EPS8L3: variants seen among roughly 807,000 people sequenced by gnomAD.
EPS8L3 encodes the protein EPS8 signaling adaptor L3.
In EPS8L3, 80 loss-of-function variants were observed where a neutral mutation model predicts 88.5. The ratio of observed to expected loss-of-function variants is 0.90; its 90% CI spans 0.75 to 1.09. The LOEUF (loss-of-function observed/expected upper bound fraction) is 1.09. Ranked by LOEUF, EPS8L3 falls within the 50% of genes least tolerant of loss-of-function variation. EPS8L3 has a pLI of 0.00. For synonymous variants in EPS8L3, 286 were observed against 291.0 expected (o/e 0.98, Z 0.18); for missense variants, 721 against 735.2 (o/e 0.98, Z 0.22).
chr1:109,757,918 C>T, intron 9 of EPS8L3, 26 bp downstream of exon 9: 3 of 1,613,440 alleles, frequency 1.9e-6, no homozygotes, highest in Non-Finnish European at 1.7e-6. Flanking sequence ...CACCCCTACT[C>T]CTCTTCCCTG....
intron 1 of EPS8L3, among the ~76,000 whole-genome samples, chr1:109,762,437 C>T (rs1010267056): frequency 1.3e-5 from 2 of 152,136 alleles, no homozygotes; most frequent in African/African-American, 2.4e-5. Context: ...GCTCAAAGAT[C>T]ACCCTCTTGG....
intron 3 of EPS8L3, 24 bp downstream of exon 3, chr1:109,761,471 C>T (rs755815658): frequency 6.3e-7 from 1 of 1,598,994 alleles, no homozygotes; most frequent in South Asian, 1.1e-5. Context: ...TTGGACACTG[C>T]CCGGGGGCTG....
chr1:109,758,386 C>G lies in EPS8L3; in HGVS notation c.647G>C (p.Arg216Pro). 1.2e-6 allele frequency: 2 copies of G among 1,612,774 alleles called. No homozygotes were observed. The highest frequency in any genetic ancestry group is 1.7e-6 in the Non-Finnish European group (2 of 1,179,424). The change falls in exon 8 of 19, where the codon CGA becomes CCA. Residue 216 changes from arginine to proline, a missense_variant. By Grantham distance (103) the Arg-to-Pro change is moderately radical (BLOSUM62 -2). Transcript: ENST00000361965. ...AGGCAGAGTAAAGGCACTTGGTTCT[C>G]GGGCACTGGTGTGGCGTGGCAGGGG... ...PRPLPRHTSA[R>P]EPSAFTLPPP...
Position 109,758,173 on chromosome 1 carries a change from A to G in EPS8L3, c.718-115T>C, listed in dbSNP as rs531361716. 54 of 1,267,776 alleles carry G rather than the reference A, an allele frequency of 4.3e-5. No homozygotes were observed. In the East Asian group the frequency reaches 1.2e-3, roughly 28 times the overall value. The allele number at this position is 1,267,776 out of a possible 1,614,324, so 78.5% of individuals were successfully genotyped here. ...AGCCCCAGCCTCAGGCCCAGCCTGG[A>G]GTATAAACAAGCCTCTCTGGCCTCC... is the stretch of plus-strand genomic sequence containing the variant. On this transcript the variant is annotated intron_variant, in intron 8 of 18. Coordinates refer to ENST00000361965, the MANE Select transcript of EPS8L3 (RefSeq NM_133181.4).
chr1:109,750,589 A>G, intron 18 of EPS8L3, 71 bp downstream of exon 18: 1 of 1,606,406 alleles, frequency 6.2e-7, no homozygotes. Flanking sequence ...AGGCTTTTCC[A>G]ACTGGCCCTC....
At position 109,759,574 on chromosome 1, in the gene EPS8L3, GGA is replaced by G. The variant is rs1417500177; in HGVS notation, c.255+102_255+103del. The G allele has an allele frequency of 6.7e-7, 1 of 1,497,374 alleles. No individual in the cohort carries two copies. Among genetic ancestry groups the G allele is most frequent in the Non-Finnish European group, 9.0e-7 (1 of 1,112,244 alleles). The allele number at this position is 1,497,374 out of a possible 1,614,324, so 92.8% of individuals were successfully genotyped here. On this transcript the variant is annotated intron_variant, in intron 4 of 18. Transcript: ENST00000361965. The surrounding 1 kb of genome is among the most constrained non-coding windows in gnomAD (Gnocchi z 4.2). ...AGGCTTGGGTGTGTGTTGTATGTGG[GGA>G]GAGTGGCTGCCCTTTGGGGCATGGA...
At chr1:109,756,966 T>C (rs1216496696) in intron 12 of EPS8L3, 51 bp downstream of exon 12, 1 of 1,612,560 alleles carries the variant, frequency 6.2e-7, no homozygotes, top group East Asian at 2.2e-5. Flanking sequence ...TCCTGCCTGA[T>C]GCCTCCATGC....
At chr1:109,763,662 G>C (rs535123416) in intron 1 of EPS8L3, among the ~76,000 whole-genome samples, 160 bp downstream of exon 1, 59 of 152,330 alleles carry the variant, frequency 3.9e-4, no homozygotes, top group African/African-American at 1.4e-3. Flanking sequence ...CCACCAGCCA[G>C]CTGCTGAGTC....
At chr1:109,754,746 A>G (rs1224750322) in intron 12 of EPS8L3, among the ~76,000 whole-genome samples, 2 of 152,180 alleles carry the variant, frequency 1.3e-5, no homozygotes, top group Non-Finnish European at 2.9e-5. Context: ...GTTTGAGTCT[A>G]TTGTAGAACC....
chr1:109,761,826 C>G, intron 1 of EPS8L3, 53 bp from the exon 2 acceptor site: 1 of 1,501,602 alleles, frequency 6.7e-7, no homozygotes, highest in Non-Finnish European at 9.3e-7. Context: ...AAAGGTGTAC[C>G]AGGCACAGCA....
At position 109,752,047 on chromosome 1, in the gene EPS8L3, A is replaced by G; in HGVS notation, c.1382T>C (p.Phe461Ser). 1 of 1,613,862 alleles carries G rather than the reference A, an allele frequency of 6.2e-7. No individual in the cohort carries two copies. The highest frequency in any genetic ancestry group is 8.5e-7 in the Non-Finnish European group (1 of 1,179,930). Residue 461 changes from phenylalanine to serine, a missense_variant, in exon 15 of 19, where the codon TTT becomes TCT. Transcript: ENST00000361965. ...PALKMQVLYEFEARNPRELTV... is the reference protein window; with the variant it reads ...PALKMQVLYESEARNPRELTV... ...CAGTTCCCGTGGGTTCCTAGCTTCA[A>G]ACTCGTACAAGACTTGCATTTTCAG...
chr1:109,758,747 G>C (rs1027713443), intron 6 of EPS8L3, 84 bp from the exon 7 acceptor site: 17 of 1,482,972 alleles, frequency 1.1e-5, no homozygotes, highest in African/African-American at 1.4e-5. Flanking sequence ...CAGGACCCAG[G>C]GGCACCACCA....
intron 10 of EPS8L3, 51 bp from the exon 11 acceptor site, chr1:109,757,606 C>T: frequency 1.3e-6 from 2 of 1,537,340 alleles, no homozygotes; most frequent in Non-Finnish European, 9.0e-7. Flanking sequence ...ACCCCATCTT[C>T]ACCAGGTCAC....
rs368959618 is a variant in EPS8L3, at chr1:109,759,407, C to T, written c.256-20G>A. ...CTCCTCCTGGGCCAGGTGGAGAGGTCAACTGTGAGGCCACCAGAGCTAGGT... is the reference window on the plus strand; with the variant it reads ...CTCCTCCTGGGCCAGGTGGAGAGGTTAACTGTGAGGCCACCAGAGCTAGGT... On this transcript the variant is annotated intron_variant, in intron 4 of 18. Coordinates refer to ENST00000361965, the MANE Select transcript of EPS8L3 (RefSeq NM_133181.4). The surrounding 1 kb of genome is among the most constrained non-coding windows in gnomAD (Gnocchi z 4.2). The T allele has an allele frequency of 1.1e-4, 184 of 1,610,862 alleles. No homozygotes were observed. Among genetic ancestry groups the T allele is most frequent in the Middle Eastern group, 1.6e-4 (1 of 6,070 alleles).
Position 109,757,558 on chromosome 1 carries a change from G to A in EPS8L3, c.895-3C>T, listed in dbSNP as rs764134015. The A allele has an allele frequency of 4.3e-6, 7 of 1,613,156 alleles. No individual in the cohort carries two copies. The highest frequency in any genetic ancestry group is 5.9e-6 in the Non-Finnish European group (7 of 1,179,532). The stretch of plus-strand genomic sequence containing the variant: ...TTCAGCCAGGTGGCCAGCCTTCCCT[G>A]GGGACACAGAGCAATGCCTGTCACC... On this transcript the variant is annotated splice_region_variant and splice_polypyrimidine_tract_variant and intron_variant, in intron 10 of 18. Transcript: ENST00000361965.
chr1:109,758,033 T>A lies in EPS8L3; in HGVS notation c.743A>T (p.Asp248Val). 1 of 1,614,120 alleles carries A rather than the reference T, an allele frequency of 6.2e-7. No homozygotes were observed. The highest frequency in any genetic ancestry group is 8.5e-7 in the Non-Finnish European group (1 of 1,180,024). Reference protein sequence around the residue: ...DEEVLNHVLRDIELFMGKLEK... With the variant: ...DEEVLNHVLRVIELFMGKLEK... ...CAGCTTTCCCATGAACAGCTCAATG[T>A]CCCTTAGGACATGGTTCAGCACTTC... The change falls in exon 9 of 19, where the codon GAC (aspartate) becomes GTC (valine). Residue 248 changes from aspartate to valine, a missense_variant. By Grantham distance (152) the Asp-to-Val change is radical. Coordinates refer to ENST00000361965, the MANE Select transcript of EPS8L3 (RefSeq NM_133181.4).
At position 109,759,405 on chromosome 1, in the gene EPS8L3, G is replaced by A. The variant is rs922084162; in HGVS notation, c.256-18C>T. On this transcript the variant is annotated intron_variant, in intron 4 of 18. Coordinates refer to ENST00000361965, the MANE Select transcript of EPS8L3 (RefSeq NM_133181.4). The surrounding 1 kb of genome is among the most constrained non-coding windows in gnomAD (Gnocchi z 4.2). ...AGCTCCTCCTGGGCCAGGTGGAGAG[G>A]TCAACTGTGAGGCCACCAGAGCTAG... 1.2e-6 allele frequency: 2 copies of A among 1,611,656 alleles called. No individual in the cohort carries two copies. The highest frequency in any genetic ancestry group is 1.1e-5 in the South Asian group (1 of 90,556).
intron 12 of EPS8L3, among the ~76,000 whole-genome samples, chr1:109,755,554 C>T (rs551211638): frequency 1.1e-4 from 16 of 152,276 alleles, no homozygotes; most frequent in African/African-American, 3.6e-4. Flanking sequence ...GCTGTAATCT[C>T]AGCACTTTGG....
At chr1:109,756,574 ACCC>A (rs1244739535) in intron 12 of EPS8L3, among the ~76,000 whole-genome samples, 1 of 151,764 alleles carries the variant, frequency 6.6e-6, no homozygotes, top group African/African-American at 2.4e-5. Context: ...TCTCACAGTT[ACCC>A]CTGCAGGGAG....
Sources: allele counts gnomAD v4.1 joint callset (sites outside exome capture counted in the v4.1 genomes callset), GRCh38; gene constraint gnomAD v4.1.1; non-coding constraint Gnocchi (gnomAD v3.1); transcripts MANE v1.5; gene names NCBI Gene and HGNC (gene_info 2026-07-23, HGNC 2026-07-21).